The following CALN1 variants were observed in gnomAD, a reference collection of about 807,000 sequenced individuals.
CALN1 encodes the protein calcium-binding protein 8.
Under a neutral mutation model 30.6 loss-of-function variants are expected in CALN1, and 17 were observed. The ratio of observed to expected loss-of-function variants is 0.56; its 90% CI spans 0.38 to 0.83. The LOEUF (loss-of-function observed/expected upper bound fraction) is 0.83. Ranked by LOEUF, CALN1 falls within the 40% of genes least tolerant of loss-of-function variation. The probability of loss-of-function intolerance (pLI) is 0.00; values close to 1 mark genes in which losing one functional copy is unlikely to be tolerated. For missense variants in CALN1, 291 were observed against 354.9 expected (o/e 0.82, Z 1.45); for synonymous variants, 156 against 131.4 (o/e 1.19, Z -1.28).
At chr7:72,278,646 G>T (rs763160524) in intron 3 of CALN1, 40 bp downstream of exon 3, 3 of 1,591,232 alleles carry the variant, frequency 1.9e-6, no homozygotes, top group African/African-American at 2.7e-5. Flanking sequence ...ACACCTCCCT[G>T]GGAGGGGGGC....
intron 3 of CALN1, among the ~76,000 whole-genome samples, chr7:72,242,573 A>T (rs1289953356): frequency 6.6e-6 from 1 of 152,196 alleles, no homozygotes; most frequent in Non-Finnish European, 1.5e-5. Context: ...TCCTAAAAGC[A>T]TTGGCTAAAT....
At chr7:72,211,206 C>T (rs905662309) in intron 3 of CALN1, among the ~76,000 whole-genome samples, 4 of 152,158 alleles carry the variant, frequency 2.6e-5, no homozygotes, top group Admixed American at 6.5e-5. Flanking sequence ...TCCCACCTCT[C>T]CAGACCTCAG....
chr7:72,208,363 T>C (rs1022612198), intron 3 of CALN1, among the ~76,000 whole-genome samples: 3 of 152,256 alleles, frequency 2.0e-5, no homozygotes, highest in Non-Finnish European at 2.9e-5. Context: ...TGGTTTCTAA[T>C]ACATTTGGGT....
intron 2 of CALN1, among the ~76,000 whole-genome samples, chr7:72,377,977 C>A (rs59094388): frequency 0.013 from 2,018 of 152,162 alleles, 45 homozygotes; most frequent in African/African-American, 0.046. Context: ...CCCCCTGCCC[C>A]CATTTCCCCC....
intron 5 of CALN1, among the ~76,000 whole-genome samples, chr7:71,821,346 GT>G (rs1788576748): frequency 6.6e-6 from 1 of 152,092 alleles, no homozygotes; most frequent in Non-Finnish European, 1.5e-5. Context: ...CCGAGACTGG[GT>G]AATTTATGAA....
chr7:72,224,151 C>T (rs1447232268), intron 3 of CALN1, among the ~76,000 whole-genome samples: 1 of 152,138 alleles, frequency 6.6e-6, no homozygotes, highest in Non-Finnish European at 1.5e-5. Flanking sequence ...TTGTAACAAA[C>T]TGGCATATGT....
At chr7:72,295,652 T>G (rs930786010) in intron 2 of CALN1, among the ~76,000 whole-genome samples, 1 of 142,620 alleles carries the variant, frequency 7.0e-6, no homozygotes, top group Admixed American at 7.3e-5. Context: ...ACTCATGATT[T>G]GGCTCTCTGT....
intron 5 of CALN1, among the ~76,000 whole-genome samples, chr7:71,990,085 G>C (rs1384168256): frequency 6.6e-6 from 1 of 152,076 alleles, no homozygotes; most frequent in Admixed American, 6.6e-5. Flanking sequence ...ATTGGAGTTT[G>C]GCACAAAATA....
Position 72,015,382 on chromosome 7 carries a change from T to C in CALN1, c.501+8275A>G, listed in dbSNP as rs1027355412. On this transcript the variant is annotated intron_variant, in intron 5 of 6. Transcript: ENST00000395275. Reference sequence around the variant, plus strand: ...GAGTTTCTGATTCAACAGGTCAGTATTGAATATTCAATTTAATAGGTGGGG... The same window carrying C: ...GAGTTTCTGATTCAACAGGTCAGTACTGAATATTCAATTTAATAGGTGGGG... Among the ~76,000 whole-genome samples the C allele has an allele frequency of 3.9e-5, 6 of 152,284 alleles. No homozygotes were observed. The East Asian group carries it at 5.8e-4, about 15-fold the overall frequency.
chr7:72,162,898 G>A (rs1393743672), intron 3 of CALN1, among the ~76,000 whole-genome samples: 2 of 152,208 alleles, frequency 1.3e-5, no homozygotes, highest in Non-Finnish European at 2.9e-5. Flanking sequence ...GGGGCTGCCA[G>A]AAGAGTTACA....
At chr7:72,218,565 T>C (rs767299990) in intron 3 of CALN1, among the ~76,000 whole-genome samples, 2 of 152,172 alleles carry the variant, frequency 1.3e-5, no homozygotes, top group East Asian at 1.9e-4. Context: ...GGGTGAGGAA[T>C]TGAGTGAGAA....
chr7:72,103,066 C>G (rs572990065), intron 4 of CALN1: 3 of 78,912 alleles, frequency 3.8e-5, no homozygotes, highest in Admixed American at 3.2e-4. Flanking sequence ...AGCGAGACTC[C>G]GTCAAAAAAA....
intron 3 of CALN1, among the ~76,000 whole-genome samples, chr7:72,183,988 G>A (rs915256010): frequency 3.9e-5 from 6 of 151,982 alleles, no homozygotes; most frequent in Middle Eastern, 6.8e-3. Context: ...ACCTTATGAC[G>A]ACAGTTCAGT....
rs541246006 is a variant in CALN1 at position 72,101,486 on chromosome 7, A to T, written c.388+4665T>A. ...AAGCAACGTCAAATCAGGCCTACAA[A>T]GACATGGTGAGTCACCATCAATCAG... On this transcript the variant is annotated intron_variant, in intron 4 of 6. Transcript: ENST00000395275. 4.3e-4 allele frequency among the ~76,000 whole-genome samples: 66 copies of T among 152,316 alleles called. 1 individual carries two copies. The South Asian group carries it at 0.013, about 30-fold the overall frequency.
intron 5 of CALN1, among the ~76,000 whole-genome samples, chr7:71,881,542 A>C (rs12699111): frequency 0.12 from 17,584 of 152,062 alleles, 1,479 homozygotes; most frequent in East Asian, 0.43. Context: ...ATCTTCTACC[A>C]AGAAGCCACA....
chr7:72,449,516 G>A (rs762166456), upstream of CALN1, among the ~76,000 whole-genome samples: 2 of 152,050 alleles, frequency 1.3e-5, no homozygotes, highest in Non-Finnish European at 2.9e-5. Flanking sequence ...CCCCTGCCTG[G>A]TTCACACCCT....
chr7:72,092,453 CAT>C (rs914791683), intron 4 of CALN1, among the ~76,000 whole-genome samples: 1 of 151,988 alleles, frequency 6.6e-6, no homozygotes, highest in South Asian at 2.1e-4. Context: ...CCCACACACA[CAT>C]ATATACACAC....
chr7:71,854,598 A>G (rs1790836705), intron 5 of CALN1, among the ~76,000 whole-genome samples: 1 of 152,208 alleles, frequency 6.6e-6, no homozygotes, highest in African/African-American at 2.4e-5. Flanking sequence ...TCCAAGTAAA[A>G]CCAAGAAAAA....
Position 72,324,557 on chromosome 7 carries a change from GTAAT to G in CALN1, c.120-45751_120-45748del, listed in dbSNP as rs1379640847. Among the ~76,000 whole-genome samples the G allele has an allele frequency of 2.7e-3, 185 of 68,688 alleles. 1 individual carries two copies. Among genetic ancestry groups the G allele is most frequent in the African/African-American group, 6.5e-3 (174 of 26,710 alleles). The allele number at this position is 68,688 out of a possible 152,430, so 45.1% of individuals were successfully genotyped here. A position where few individuals can be genotyped will look rare whatever the true frequency, so the allele number is the denominator to read the frequency against. On this transcript the variant is annotated intron_variant, in intron 2 of 6. Transcript: ENST00000395275. ...CTCTTTTTCCCTCCTTTTAAATGAT[GTAAT>G]TTATTTATTTATTTATTTATTTATT...
Sources: gnomAD v4.1 joint callset for allele counts (sites outside exome capture counted in the v4.1 genomes callset) on GRCh38, gnomAD v4.1.1 for gene constraint, MANE v1.5 for transcripts, NCBI Gene and HGNC (gene_info 2026-07-23, HGNC 2026-07-21) for gene names.